The following PGM5 variants were observed in gnomAD, a reference collection of about 807,000 sequenced individuals.
PGM5 encodes phosphoglucomutase 5.
In PGM5, 23 loss-of-function variants were observed where a neutral mutation model predicts 59.2. That is an observed-to-expected ratio of 0.39 (90% CI 0.28 to 0.55). The LOEUF (loss-of-function observed/expected upper bound fraction) is 0.55. PGM5 is among the 20% of genes least tolerant of loss of function. PGM5 has a pLI of 0.66. For missense variants in PGM5, 574 were observed against 748.3 expected (o/e 0.77, Z 2.72); for synonymous variants, 214 against 286.0 (o/e 0.75, Z 2.54).
chr9:68,442,024 G>A (rs1281761514), intron 6 of PGM5, among the ~76,000 whole-genome samples: 4 of 151,960 alleles, frequency 2.6e-5, no homozygotes, highest in South Asian at 4.2e-4. Flanking sequence ...ATACATGATC[G>A]ATATGCTGAA....
chr9:68,445,134 A>AT (rs112573481), intron 6 of PGM5, among the ~76,000 whole-genome samples: 4,348 of 150,078 alleles, frequency 0.029, 83 homozygotes, highest in Non-Finnish European at 0.043. Context: ...ACTCAATAGG[A>AT]TTTTTTTTTT....
intron 6 of PGM5, among the ~76,000 whole-genome samples, chr9:68,406,654 A>G (rs1822815739): frequency 9.5e-6 from 1 of 104,888 alleles, no homozygotes; most frequent in South Asian, 3.2e-4. Context: ...CTGAGGATTA[A>G]ATTAGGTATA....
At position 68,501,395 on chromosome 9, in the gene PGM5, A is replaced by C. The variant is rs181859963; in HGVS notation, c.1614+2034A>C. ...ATCTAACCACCTAGGGGAAAGCAAG[A>C]AGATTCTCTCAGCAGGCCAACCTGT... On this transcript the variant is annotated intron_variant, in intron 10 of 10. Coordinates refer to ENST00000396396, the MANE Select transcript of PGM5 (RefSeq NM_021965.4). Among the ~76,000 whole-genome samples, 496 of 152,356 alleles carry C rather than the reference A, an allele frequency of 3.3e-3. 1 individual carries two copies. Among genetic ancestry groups the C allele is most frequent in the Middle Eastern group, 0.01 (3 of 294 alleles).
chr9:68,401,146 A>G (rs1369477183), intron 6 of PGM5, among the ~76,000 whole-genome samples: 3 of 152,122 alleles, frequency 2.0e-5, no homozygotes, highest in African/African-American at 7.2e-5. Context: ...GTTAACACTT[A>G]AGACTATAAA....
intron 4 of PGM5, among the ~76,000 whole-genome samples, chr9:68,388,934 T>G (rs559705517): frequency 5.3e-4 from 80 of 152,224 alleles, no homozygotes; most frequent in African/African-American, 1.8e-3. Flanking sequence ...ATGGACCCTT[T>G]CAGTCTGAAC....
intron 1 of PGM5, among the ~76,000 whole-genome samples, chr9:68,376,777 CTTTCTTTCTTTCTT>C (rs1481080511): frequency 2.7e-5 from 2 of 74,930 alleles, no homozygotes; most frequent in African/African-American, 1.1e-4. Flanking sequence ...TTCTTTCTTT[CTTTCTTTCTTTCTT>C]TCTTTCTTTC....
intron 2 of PGM5, among the ~76,000 whole-genome samples, chr9:68,381,862 A>G (rs1388810893): frequency 6.6e-6 from 1 of 151,956 alleles, no homozygotes; most frequent in Admixed American, 6.6e-5. Flanking sequence ...ACTGAAAACT[A>G]TAAAACATTG....
At chr9:68,486,737 A>C (rs185602596) in intron 9 of PGM5, among the ~76,000 whole-genome samples, 12 of 152,200 alleles carry the variant, frequency 7.9e-5, no homozygotes, top group African/African-American at 2.9e-4. Context: ...GTGGACATCC[A>C]TCTACAAGTT....
In PGM5 at chr9:68,453,793, AC is replaced by A. The variant is rs200525460; in HGVS notation, c.1044-11298del. Among the ~76,000 whole-genome samples, 644 of 152,342 alleles carry A rather than the reference AC, an allele frequency of 4.2e-3. 2 individuals are homozygous for A. Among genetic ancestry groups the A allele is most frequent in the African/African-American group, 0.014 (589 of 41,568 alleles). ...AATGAGCAAGTGTCTTTAAGCACTT[AC>A]CTTCAAGAGACTAACGGATTAGAGA... is the stretch of plus-strand genomic sequence containing the variant. On this transcript the variant is annotated intron_variant, in intron 6 of 10. Transcript: ENST00000396396.
chr9:68,420,535 A>G (rs1823110767), intron 6 of PGM5, among the ~76,000 whole-genome samples: 1 of 152,204 alleles, frequency 6.6e-6, no homozygotes, highest in Admixed American at 6.5e-5. Flanking sequence ...GTAAACTGTC[A>G]CGTACTATAC....
chr9:68,479,118 A>AG (rs1254164340), intron 7 of PGM5, among the ~76,000 whole-genome samples: 7 of 152,188 alleles, frequency 4.6e-5, no homozygotes, highest in African/African-American at 7.2e-5. Context: ...GATATATTGT[A>AG]GGGGTCACTA....
intron 7 of PGM5, among the ~76,000 whole-genome samples, chr9:68,477,143 A>G (rs1411909383): frequency 6.6e-6 from 1 of 152,188 alleles, no homozygotes; most frequent in Non-Finnish European, 1.5e-5. Flanking sequence ...GATAAGACTA[A>G]AGACACTTCA....
intron 9 of PGM5, among the ~76,000 whole-genome samples, chr9:68,484,753 A>G (rs567036288): frequency 2.1e-4 from 32 of 152,094 alleles, no homozygotes; most frequent in Non-Finnish European, 1.0e-4. Context: ...ATTATTGGTG[A>G]CAGATTCAGA....
chr9:68,450,502 G>C (rs1270295867), intron 6 of PGM5, among the ~76,000 whole-genome samples: 6 of 152,162 alleles, frequency 3.9e-5, no homozygotes, highest in Non-Finnish European at 8.8e-5. Flanking sequence ...CAAAAAGAGG[G>C]GGAAACACTG....
intron 6 of PGM5, among the ~76,000 whole-genome samples, chr9:68,458,236 A>T (rs1823808501): frequency 6.6e-6 from 1 of 152,100 alleles, no homozygotes; most frequent in Non-Finnish European, 1.5e-5. Context: ...TCTTTCAATT[A>T]AAGTTAGGAT....
chr9:68,384,460 G>A lies in PGM5; in HGVS notation c.487G>A (p.Ala163Thr), dbSNP rs1465969139. ...YQISKTIEEYAICPDLRIDLS... is the reference protein window; with the variant it reads ...YQISKTIEEYTICPDLRIDLS... ...AATCAGCAAAACGATTGAGGAATAT[G>A]CTATATGTCCTGATCTCCGAATCGA... The change falls in exon 3 of 11, where the codon GCT becomes ACT. Residue 163 changes from alanine (A) to threonine (T), a missense_variant. Ala to Thr is a moderately conservative substitution (Grantham distance 58, BLOSUM62 0). Coordinates refer to ENST00000396396, the MANE Select transcript of PGM5 (RefSeq NM_021965.4). 2 of 1,602,878 alleles carry A rather than the reference G, an allele frequency of 1.2e-6. No individual in the cohort carries two copies. The highest frequency in any genetic ancestry group is 1.7e-6 in the Non-Finnish European group (2 of 1,170,388).
intron 1 of PGM5, among the ~76,000 whole-genome samples, chr9:68,367,622 G>A (rs1834705604): frequency 6.6e-6 from 1 of 152,200 alleles, no homozygotes; most frequent in Non-Finnish European, 1.5e-5. Flanking sequence ...AGATGCTAAT[G>A]TGGAATATAA....
At chr9:68,377,124 A>T (rs1402486178) in intron 1 of PGM5, among the ~76,000 whole-genome samples, 1 of 151,918 alleles carries the variant, frequency 6.6e-6, no homozygotes, top group Non-Finnish European at 1.5e-5. Flanking sequence ...ATAGGGTTTC[A>T]CCACTTTGGC....
chr9:68,367,073 G>A (rs1236067448), intron 1 of PGM5, among the ~76,000 whole-genome samples: 2 of 151,872 alleles, frequency 1.3e-5, no homozygotes, highest in Non-Finnish European at 2.9e-5. Context: ...CCCCCTCCCG[G>A]CACACATTTG....
Sources: allele counts gnomAD v4.1 joint callset (sites outside exome capture counted in the v4.1 genomes callset), GRCh38; gene constraint gnomAD v4.1.1; transcripts MANE v1.5; gene names NCBI Gene and HGNC (gene_info 2026-07-23, HGNC 2026-07-21).